Variants in PTPRZ1 observed in about 807,000 individuals in gnomAD.
PTPRZ1 encodes the protein protein tyrosine phosphatase receptor type Z1, also known as receptor-type tyrosine-protein phosphatase zeta.
In PTPRZ1, 82 loss-of-function variants were observed where a neutral mutation model predicts 214.1. The observed-to-expected ratio is 0.38, with a 90% CI of 0.32 to 0.46. PTPRZ1 has a LOEUF of 0.46. Among genes scored for constraint, PTPRZ1 ranks in the 20% least tolerant of loss-of-function variants. PTPRZ1 has a pLI of 1.00. For synonymous variants in PTPRZ1, 945 were observed against 987.9 expected (o/e 0.96, Z 0.81); for missense variants, 2,603 against 2,748.7 (o/e 0.95, Z 1.19).
intron 2 of PTPRZ1, among the ~76,000 whole-genome samples, chr7:121,952,353 A>G (rs1796577271): frequency 6.6e-6 from 1 of 152,068 alleles, no homozygotes; most frequent in South Asian, 2.1e-4. Context: ...GGAGACCAAG[A>G]CAGGAAGATT....
chr7:121,999,858 G>T (rs1275359060), intron 10 of PTPRZ1, among the ~76,000 whole-genome samples: 1 of 151,922 alleles, frequency 6.6e-6, no homozygotes, highest in Non-Finnish European at 1.5e-5. Context: ...TCTATCATTT[G>T]TTGTATTTTC....
chr7:121,935,541 TTTTTTTG>T (rs869311288), intron 2 of PTPRZ1, among the ~76,000 whole-genome samples: 2 of 94,946 alleles, frequency 2.1e-5, no homozygotes, highest in Admixed American at 9.4e-5. Flanking sequence ...TTTTTGGGGT[TTTTTTTG>T]TTTGTTTGTT....
chr7:122,033,973 A>C, intron 15 of PTPRZ1, 122 bp from the exon 16 acceptor site: 1 of 812,248 alleles, frequency 1.2e-6, no homozygotes. Flanking sequence ...TATTTGACAA[A>C]TGTATTTATT....
At chr7:122,055,164 A>G (rs921422178) in intron 27 of PTPRZ1, 77 bp downstream of exon 27, 18 of 1,177,136 alleles carry the variant, frequency 1.5e-5, no homozygotes, top group Non-Finnish European at 5.7e-6. Context: ...GATCTGTCCT[A>G]GAAATGAAAA....
At chr7:121,973,627 TTATTACTCA>T (rs1480081858) in intron 4 of PTPRZ1, among the ~76,000 whole-genome samples, 1 of 152,192 alleles carries the variant, frequency 6.6e-6, no homozygotes, top group Non-Finnish European at 1.5e-5. Context: ...AGGGATTGAC[TTATTACTCA>T]TAAAAGTAAT....
chr7:122,032,035 T>C (rs367660552), intron 15 of PTPRZ1: 1 of 152,148 alleles, frequency 6.6e-6, no homozygotes, highest in African/African-American at 2.4e-5. Context: ...CAAGAAAATA[T>C]GCATTTCTAA....
intron 1 of PTPRZ1, among the ~76,000 whole-genome samples, chr7:121,885,750 C>T (rs1794376272): frequency 6.6e-6 from 1 of 152,120 alleles, no homozygotes; most frequent in Non-Finnish European, 1.5e-5. Context: ...TTGGAAGGAG[C>T]TTTTCAAGAC....
chr7:121,925,407 G>A (rs1208017239), intron 1 of PTPRZ1, among the ~76,000 whole-genome samples: 1 of 152,160 alleles, frequency 6.6e-6, no homozygotes, highest in Non-Finnish European at 1.5e-5. Flanking sequence ...AAACAAAAAT[G>A]TATGAATATT....
chr7:122,011,881 T>C lies in PTPRZ1; in HGVS notation c.2835T>C (p.Ser945=), dbSNP rs145151459. Reference sequence around the variant, plus strand: ...AACACATCTTCACTGTTTCTTACAGTTCTGCAATACCTGTGCATGATTCTG... The same window carrying C: ...AACACATCTTCACTGTTTCTTACAGCTCTGCAATACCTGTGCATGATTCTG... ...GSQHIFTVSY[S]SAIPVHDSVG... Residue 945 remains serine, a synonymous_variant, in exon 12 of 30, where the codon AGT becomes AGC. Transcript: ENST00000393386. The C allele has an allele frequency of 6.2e-6, 10 of 1,614,030 alleles. No individual in the cohort carries two copies. In the African/African-American group the frequency reaches 1.2e-4, roughly 19 times the overall value.
chr7:122,040,183 A>G (rs1405568289), intron 20 of PTPRZ1, among the ~76,000 whole-genome samples: 1 of 152,158 alleles, frequency 6.6e-6, no homozygotes, highest in Non-Finnish European at 1.5e-5. Flanking sequence ...CAATCCCAAT[A>G]TTCAACTAAA....
At chr7:122,034,454 A>C in intron 17 of PTPRZ1, 76 bp downstream of exon 17, 1 of 1,338,366 alleles carries the variant, frequency 7.5e-7, no homozygotes, top group South Asian at 1.2e-5. Context: ...TCCTGAAGTC[A>C]TCTGAGAGCT....
rs1450714913 is a variant in PTPRZ1, at chr7:122,054,006, C to A, written c.6349C>A (p.Leu2117Met). 1 of 1,613,100 alleles carries A rather than the reference C, an allele frequency of 6.2e-7. No individual in the cohort carries two copies. The highest frequency in any genetic ancestry group is 2.2e-5 in the East Asian group (1 of 44,854). Residue 2117 changes from leucine to methionine, a missense_variant, in exon 26 of 30, where the codon CTG (leucine) becomes ATG (methionine). Leu to Met is a conservative substitution (Grantham distance 15). Around this residue, in one of 6 missense-constraint regions of PTPRZ1, gnomAD observed 134 missense variants for 183.3 expected, o/e 0.73. Coordinates refer to ENST00000393386, the MANE Select transcript of PTPRZ1 (RefSeq NM_002851.3). ...WRMIWDHNAQ[L>M]VVMIPDGQNM... ...GATGATATGGGACCATAATGCCCAACTGGTGGTTATGATTCCTGATGGCCA... is the reference window on the plus strand; with the variant it reads ...GATGATATGGGACCATAATGCCCAAATGGTGGTTATGATTCCTGATGGCCA...
intron 13 of PTPRZ1, among the ~76,000 whole-genome samples, chr7:122,021,415 C>T (rs1363131973): frequency 2.0e-5 from 3 of 151,978 alleles, no homozygotes; most frequent in Non-Finnish European, 4.4e-5. Flanking sequence ...ACCTTGAATG[C>T]AGAGTGTCAT....
chr7:122,019,347 A>G, intron 13 of PTPRZ1, 79 bp downstream of exon 13: 1 of 1,384,044 alleles, frequency 7.2e-7, no homozygotes. Flanking sequence ...AGGTCTTCAA[A>G]GCATATTCAA....
intron 13 of PTPRZ1, among the ~76,000 whole-genome samples, chr7:122,026,628 G>A (rs557715553): frequency 6.6e-6 from 1 of 152,198 alleles, no homozygotes; most frequent in South Asian, 2.1e-4. Flanking sequence ...CTAGTTAGGA[G>A]GGTCCCTTTG....
intron 1 of PTPRZ1, among the ~76,000 whole-genome samples, chr7:121,897,962 G>A (rs563180132): frequency 6.6e-6 from 1 of 152,266 alleles, no homozygotes; most frequent in East Asian, 1.9e-4. Flanking sequence ...GGATCCGTTA[G>A]ATAATCTAGT....
intron 2 of PTPRZ1, among the ~76,000 whole-genome samples, chr7:121,946,962 G>A (rs949066309): frequency 4.6e-5 from 7 of 152,116 alleles, no homozygotes; most frequent in Admixed American, 3.3e-4. Context: ...GTGTCAGATT[G>A]AACGAGAGAG....
chr7:122,013,103 C>A lies in PTPRZ1; in HGVS notation c.4057C>A (p.Pro1353Thr). The change falls in exon 12 of 30, where the codon CCA becomes ACA. Residue 1353 changes from proline to threonine, a missense_variant. By Grantham distance (38) the Pro-to-Thr change is conservative. Around this residue, in one of 6 missense-constraint regions of PTPRZ1, gnomAD observed 1,913 missense variants for 1,914.3 expected, o/e 1.00. Transcript: ENST00000393386. ...SVTGKVFAGI[P>T]TVASDTFVST... ...TACTGGTAAGGTATTTGCTGGTATT[C>A]CAACAGTTGCTTCTGATACATTTGT... The A allele has an allele frequency of 6.2e-7, 1 of 1,613,892 alleles. No individual in the cohort carries two copies. Among genetic ancestry groups the A allele is most frequent in the Non-Finnish European group, 8.5e-7 (1 of 1,179,758 alleles).
intron 13 of PTPRZ1, among the ~76,000 whole-genome samples, chr7:122,022,820 A>G (rs963006723): frequency 3.3e-5 from 5 of 152,156 alleles, no homozygotes; most frequent in Admixed American, 6.6e-5. Context: ...CAGTTGCAAA[A>G]CTTTAATTGA....
Sources: gnomAD v4.1 joint callset for allele counts (sites outside exome capture counted in the v4.1 genomes callset) on GRCh38, gnomAD v4.1.1 for gene constraint, gnomAD v4.1.1 regional missense constraint, MANE v1.5 for transcripts, NCBI Gene and HGNC (gene_info 2026-07-23, HGNC 2026-07-21) for gene names.